Variants in FYN observed in about 807,000 individuals in gnomAD.
The protein encoded by FYN is FYN proto-oncogene, Src family tyrosine kinase.
Under a neutral mutation model 70.2 loss-of-function variants are expected in FYN, and 10 were observed. The observed-to-expected ratio is 0.14, with a 90% CI of 0.09 to 0.24. The LOEUF (loss-of-function observed/expected upper bound fraction) is 0.24, where lower values mean the gene tolerates loss of function less well. FYN is among the 10% of genes least tolerant of loss of function. FYN has a pLI of 1.00. For synonymous variants in FYN, 236 were observed against 248.6 expected (o/e 0.95, Z 0.48); for missense variants, 319 against 673.1 (o/e 0.47, Z 5.82).
chr6:111,820,960 G>C (rs1228606240), intron 2 of FYN, among the ~76,000 whole-genome samples: 1 of 152,106 alleles, frequency 6.6e-6, no homozygotes, highest in Non-Finnish European at 1.5e-5. Flanking sequence ...CAACTATCCA[G>C]GGGTTAACCA....
intron 3 of FYN, among the ~76,000 whole-genome samples, chr6:111,773,346 G>C (rs1183303578): frequency 2.3e-5 from 1 of 44,220 alleles, no homozygotes; most frequent in Non-Finnish European, 4.0e-5. Context: ...AAGGGAGAGG[G>C]AGAGGGAAAG....
intron 3 of FYN, among the ~76,000 whole-genome samples, chr6:111,765,013 G>C (rs1178722211): frequency 6.6e-6 from 1 of 151,840 alleles, no homozygotes; most frequent in Non-Finnish European, 1.5e-5. Flanking sequence ...TGTGGGCTGG[G>C]ATCATGCGGA....
intron 13 of FYN, among the ~76,000 whole-genome samples, chr6:111,666,711 T>C (rs1490012825): frequency 6.6e-6 from 1 of 152,136 alleles, no homozygotes; most frequent in Non-Finnish European, 1.5e-5. Flanking sequence ...CATGTACCTG[T>C]GGTCCCAGCT....
intron 5 of FYN, among the ~76,000 whole-genome samples, chr6:111,709,836 A>C (rs555106119): frequency 1.2e-4 from 19 of 152,172 alleles, no homozygotes; most frequent in African/African-American, 4.3e-4. Context: ...TATTGTAAGC[A>C]CCCCTCTCTT....
chr6:111,733,813 C>T (rs1313124890), intron 3 of FYN, among the ~76,000 whole-genome samples: 1 of 152,218 alleles, frequency 6.6e-6, no homozygotes, highest in Non-Finnish European at 1.5e-5. Flanking sequence ...CCAAGCCAGG[C>T]ACGGTGGCTC....
At chr6:111,704,200 C>A in intron 6 of FYN, 98 bp from the exon 7 acceptor site, 1 of 854,208 alleles carries the variant, frequency 1.2e-6, no homozygotes, top group Non-Finnish European at 1.9e-6. Flanking sequence ...CCCTCTCCTC[C>A]AATTTAGTCC....
At chr6:111,844,259 A>T (rs1452530020) in intron 2 of FYN, among the ~76,000 whole-genome samples, 1 of 152,214 alleles carries the variant, frequency 6.6e-6, no homozygotes, top group Non-Finnish European at 1.5e-5. Context: ...CTAATTTTCC[A>T]CTTCTGTCTT....
chr6:111,740,361 A>G (rs1801906028), intron 3 of FYN, among the ~76,000 whole-genome samples: 1 of 152,224 alleles, frequency 6.6e-6, no homozygotes, highest in African/African-American at 2.4e-5. Context: ...GGATTAACAA[A>G]GTAGGGTATC....
At chr6:111,744,220 C>T (rs550130604) in intron 3 of FYN, among the ~76,000 whole-genome samples, 3 of 152,350 alleles carry the variant, frequency 2.0e-5, no homozygotes, top group Non-Finnish European at 2.9e-5. Flanking sequence ...ATAGCTGTCT[C>T]GTCTTAGCAC....
At chr6:111,737,797 G>A (rs1179997374) in intron 3 of FYN, among the ~76,000 whole-genome samples, 1 of 152,092 alleles carries the variant, frequency 6.6e-6, no homozygotes, top group Non-Finnish European at 1.5e-5. Context: ...CCATCCTCTA[G>A]ACGTTTACTA....
chr6:111,702,045 A>G (rs1799863940), intron 8 of FYN, among the ~76,000 whole-genome samples: 1 of 152,238 alleles, frequency 6.6e-6, no homozygotes, highest in African/African-American at 2.4e-5. Context: ...CTGGAGAACA[A>G]TAGAAAATGG....
chr6:111,784,934 G>A (rs1333588305), intron 2 of FYN, among the ~76,000 whole-genome samples: 1 of 152,186 alleles, frequency 6.6e-6, no homozygotes, highest in Non-Finnish European at 1.5e-5. Flanking sequence ...AAAATCATAC[G>A]TGGCTTTGGT....
At chr6:111,718,228 A>G (rs1005361173) in intron 4 of FYN, among the ~76,000 whole-genome samples, 33 of 152,212 alleles carry the variant, frequency 2.2e-4, no homozygotes. Context: ...GGGGAGAATC[A>G]AAGGAGGTTA....
intron 2 of FYN, among the ~76,000 whole-genome samples, chr6:111,824,632 C>G (rs1230524708): frequency 6.6e-6 from 1 of 152,200 alleles, no homozygotes; most frequent in Non-Finnish European, 1.5e-5. Context: ...TCTGTCTCAT[C>G]TATTTTGCTT....
chr6:111,788,176 A>T (rs1262736379), intron 2 of FYN, among the ~76,000 whole-genome samples: 1 of 152,134 alleles, frequency 6.6e-6, no homozygotes. Flanking sequence ...TACTCTCTAT[A>T]TACCTCTACT....
chr6:111,710,988 G>A (rs1291580538), intron 5 of FYN, among the ~76,000 whole-genome samples: 1 of 152,134 alleles, frequency 6.6e-6, no homozygotes, highest in Non-Finnish European at 1.5e-5. Context: ...GGCTTTTAAG[G>A]TTTTATAACA....
chr6:111,711,958 T>A (rs949772623), intron 5 of FYN, among the ~76,000 whole-genome samples: 11 of 152,218 alleles, frequency 7.2e-5, no homozygotes, highest in African/African-American at 1.9e-4. Context: ...ACCTTTGTAA[T>A]ATTTTCCTCT....
intron 2 of FYN, among the ~76,000 whole-genome samples, chr6:111,837,470 A>G (rs1773223883): frequency 6.6e-6 from 1 of 152,152 alleles, no homozygotes. Context: ...AACAGAAAAA[A>G]CAATACGGAC....
At chr6:111,668,047 G>C (rs1026405188) in intron 13 of FYN, among the ~76,000 whole-genome samples, 1 of 152,236 alleles carries the variant, frequency 6.6e-6, no homozygotes, top group Non-Finnish European at 1.5e-5. Context: ...GGCTCCCCTT[G>C]CTTCTGTGCA....
Sources: allele counts gnomAD v4.1 joint callset (sites outside exome capture counted in the v4.1 genomes callset), GRCh38; gene constraint gnomAD v4.1.1; transcripts MANE v1.5; gene names NCBI Gene and HGNC (gene_info 2026-07-23, HGNC 2026-07-21).